Variants in PFKFB4 observed in about 807,000 individuals in gnomAD.
PFKFB4 encodes 6-phosphofructo-2-kinase/fructose-2,6-biphosphatase 4.
PFKFB4 carries 42 observed loss-of-function variants against 62.8 expected under a neutral mutation model. That is an observed-to-expected ratio of 0.67 (90% CI 0.52 to 0.86). PFKFB4 has a LOEUF of 0.86. Ranked by LOEUF, PFKFB4 falls within the 40% of genes least tolerant of loss-of-function variation. PFKFB4 has a pLI of 0.00. For missense variants in PFKFB4, 475 were observed against 627.2 expected, an observed-to-expected ratio of 0.76 and a Z score of 2.59; for synonymous variants, 204 against 240.7, an observed-to-expected ratio of 0.85 and a Z score of 1.41.
intron 9 of PFKFB4, 134 bp from the exon 10 acceptor site, chr3:48,525,803 G>A: frequency 4.2e-6 from 2 of 480,960 alleles, no homozygotes; most frequent in Non-Finnish European, 7.5e-6. Flanking sequence ...ACAGAAACCT[G>A]TCTAAGGAGG....
chr3:48,532,154 A>T (rs987910851), intron 9 of PFKFB4, among the ~76,000 whole-genome samples: 1 of 152,028 alleles, frequency 6.6e-6, no homozygotes, highest in Non-Finnish European at 1.5e-5. Flanking sequence ...TAAAAATACA[A>T]AAAAAATTAG....
chr3:48,536,553 G>A (rs2042624465), intron 7 of PFKFB4, 90 bp from the exon 8 acceptor site: 13 of 985,846 alleles, frequency 1.3e-5, no homozygotes, highest in Admixed American at 4.0e-5. Flanking sequence ...TAGCTGCGAG[G>A]CCTTGCACTT....
intron 3 of PFKFB4, among the ~76,000 whole-genome samples, chr3:48,545,276 CAT>C (rs2042927512): frequency 6.6e-6 from 1 of 152,112 alleles, no homozygotes; most frequent in African/African-American, 2.4e-5. Flanking sequence ...GGATTACAGG[CAT>C]GTGCCACCAC....
At chr3:48,525,511 G>A (rs896675574) in intron 10 of PFKFB4, 54 bp downstream of exon 10, 2 of 913,964 alleles carry the variant, frequency 2.2e-6, no homozygotes, top group Non-Finnish European at 3.4e-6. Flanking sequence ...AGCCACAGGT[G>A]GTACTCCCAG....
At chr3:48,554,732 G>A (rs1486893019) in intron 1 of PFKFB4, among the ~76,000 whole-genome samples, 2 of 152,126 alleles carry the variant, frequency 1.3e-5, no homozygotes, top group East Asian at 1.9e-4. Flanking sequence ...CCCTGCCTCC[G>A]CTTATTGAGG....
chr3:48,533,602 C>G (rs2042497309), intron 9 of PFKFB4, among the ~76,000 whole-genome samples: 1 of 152,150 alleles, frequency 6.6e-6, no homozygotes, highest in South Asian at 2.1e-4. Flanking sequence ...CACCTGTAAT[C>G]CTAGAACTTT....
chr3:48,538,648 A>G, intron 6 of PFKFB4, 29 bp from the exon 7 acceptor site: 1 of 1,613,904 alleles, frequency 6.2e-7, no homozygotes, highest in Non-Finnish European at 8.5e-7. Context: ...GAGAAAGGAC[A>G]TATCAGGGTC....
intron 9 of PFKFB4, among the ~76,000 whole-genome samples, chr3:48,533,189 A>G (rs561222551): frequency 5.9e-5 from 9 of 152,284 alleles, no homozygotes; most frequent in Admixed American, 2.0e-4. Flanking sequence ...ACCTGGGACT[A>G]TAGGTGTGAG....
In PFKFB4 at chr3:48,539,740, C is replaced by T. The variant is rs1316929795; in HGVS notation, c.410G>A (p.Arg137Gln). 1.1e-5 allele frequency: 17 copies of T among 1,614,012 alleles called. No homozygotes were observed. The highest frequency in any genetic ancestry group is 2.7e-5 in the African/African-American group (2 of 74,926). ...VFDATNTTRERRATIFNFGEQ... is the reference protein window; with the variant it reads ...VFDATNTTREQRATIFNFGEQ... ...TCCAAAATTAAAGATGGTCGCTCTC[C>T]GTTCTCGGGTGGTGTTTGTGGCATC... The change falls in exon 5 of 14, where the codon CGG (arginine) becomes CAG (glutamine). Residue 137 changes from arginine (R) to glutamine (Q), a missense_variant. By Grantham distance (43) the Arg-to-Gln change is conservative (BLOSUM62 1). Transcript: ENST00000232375.
chr3:48,538,518 C>T lies in PFKFB4; in HGVS notation c.612G>A (p.Ser204=), dbSNP rs137967133. Residue 204 remains serine (S), a synonymous_variant, in exon 7 of 14, where the codon TCG becomes TCA. Transcript: ENST00000232375. ...RIECYENSYE[S]LDEDLDRDLS... is the part of the protein sequence containing the mutation. ...CTCACCTATCCAGGTCCTCATCTAGCGACTCGTAGGAGTTCTCATAGCACT... is the reference window on the plus strand; with the variant it reads ...CTCACCTATCCAGGTCCTCATCTAGTGACTCGTAGGAGTTCTCATAGCACT... 5.2e-5 allele frequency: 84 copies of T among 1,614,090 alleles called. No homozygotes were observed. In the East Asian group the frequency reaches 7.6e-4, roughly 15 times the overall value.
Position 48,539,240 on chromosome 3 carries a change from G to A in PFKFB4, c.510+14C>T, listed in dbSNP as rs750583941. On this transcript the variant is annotated intron_variant, in intron 6 of 13. Coordinates refer to ENST00000232375, the MANE Select transcript of PFKFB4 (RefSeq NM_004567.4). Reference sequence around the variant, plus strand: ...CACACACGACCTTCTGACAAGGTCAGATGCACTACTCACCACGATGTTGGC... The same window carrying A: ...CACACACGACCTTCTGACAAGGTCAAATGCACTACTCACCACGATGTTGGC... The A allele has an allele frequency of 6.2e-7, 1 of 1,605,286 alleles. No individual in the cohort carries two copies. The highest frequency in any genetic ancestry group is 1.1e-5 in the South Asian group (1 of 90,820).
At chr3:48,532,383 A>G (rs1560159155) in intron 9 of PFKFB4, among the ~76,000 whole-genome samples, 1 of 152,236 alleles carries the variant, frequency 6.6e-6, no homozygotes, top group Non-Finnish European at 1.5e-5. Context: ...TTCTAGGTCT[A>G]TACCAAAAAG....
At chr3:48,557,702 A>G (rs995006820), upstream of PFKFB4, among the ~76,000 whole-genome samples, 7 of 151,822 alleles carry the variant, frequency 4.6e-5, no homozygotes, top group African/African-American at 1.7e-4. Context: ...ACGCCCTGCT[A>G]ATTTTTGTAT....
intron 1 of PFKFB4, among the ~76,000 whole-genome samples, chr3:48,552,697 G>A (rs568340808): frequency 1.3e-5 from 2 of 152,306 alleles, no homozygotes; most frequent in South Asian, 4.1e-4. Flanking sequence ...TCCCGCTGAT[G>A]GGGCCACCCC....
intron 3 of PFKFB4, among the ~76,000 whole-genome samples, chr3:48,547,388 T>C (rs2042998120): frequency 6.6e-6 from 1 of 152,128 alleles, no homozygotes; most frequent in African/African-American, 2.4e-5. Flanking sequence ...TGCCCACGTG[T>C]GTGTGTGCAT....
chr3:48,549,589 C>T (rs572609219), intron 3 of PFKFB4, among the ~76,000 whole-genome samples: 1 of 152,280 alleles, frequency 6.6e-6, no homozygotes, highest in African/African-American at 2.4e-5. Context: ...AATGGCCCAG[C>T]CACCAGGAGG....
intron 7 of PFKFB4, among the ~76,000 whole-genome samples, chr3:48,537,749 T>C (rs1452009519): frequency 2.0e-5 from 3 of 151,838 alleles, no homozygotes; most frequent in South Asian, 2.1e-4. Flanking sequence ...GGTCTCAAAA[T>C]CCTAGGCTCA....
Position 48,556,641 on chromosome 3 carries a change from C to T in PFKFB4, c.97+40G>A, listed in dbSNP as rs1445700681. ...CCCAGGCCGCCCTACCCACCCATCC[C>T]GGTGCACCTCCCACCTCCTCCCAGA... is the stretch of plus-strand genomic sequence containing the variant. On this transcript the variant is annotated intron_variant, in intron 1 of 13. Transcript: ENST00000232375. The surrounding 1 kb of genome is among the most constrained non-coding windows in gnomAD (Gnocchi z 5.7). 3 of 1,597,100 alleles carry T rather than the reference C, an allele frequency of 1.9e-6. No homozygotes were observed. The highest frequency in any genetic ancestry group is 2.6e-6 in the Non-Finnish European group (3 of 1,170,282).
intron 1 of PFKFB4, among the ~76,000 whole-genome samples, chr3:48,552,863 G>A (rs1335642678): frequency 6.6e-6 from 1 of 152,202 alleles, no homozygotes; most frequent in Admixed American, 6.5e-5. Flanking sequence ...AGCACAAGGT[G>A]GGCAGGCAGG....
Sources: allele counts gnomAD v4.1 joint callset (sites outside exome capture counted in the v4.1 genomes callset), GRCh38; gene constraint gnomAD v4.1.1; non-coding constraint Gnocchi (gnomAD v3.1); transcripts MANE v1.5; gene names NCBI Gene and HGNC (gene_info 2026-07-23, HGNC 2026-07-21).